Variants in TBC1D5 observed in about 807,000 individuals in gnomAD.
TBC1D5 encodes TBC1 domain family, member 5.
TBC1D5 carries 75 observed loss-of-function variants against 100.3 expected under a neutral mutation model. The ratio of observed to expected loss-of-function variants is 0.75; its 90% confidence interval spans 0.62 to 0.91. TBC1D5 has a LOEUF of 0.91. Ranked by LOEUF, TBC1D5 falls within the 40% of genes least tolerant of loss-of-function variation. The pLI, the probability that TBC1D5 is intolerant of heterozygous loss-of-function variation, is 0.00. For synonymous variants in TBC1D5, 323 were observed against 325.6 expected, an observed-to-expected ratio of 0.99 and a Z score of 0.09; for missense variants, 910 against 942.4, an observed-to-expected ratio of 0.97 and a Z score of 0.45.
chr3:17,674,577 C>T (rs2068381655), intron 1 of TBC1D5, among the ~76,000 whole-genome samples: 1 of 152,108 alleles, frequency 6.6e-6, no homozygotes, highest in Non-Finnish European at 1.5e-5. Context: ...CTCTGATTGG[C>T]ATAAATTTGA....
At chr3:17,323,441 T>G (rs572217183) in intron 13 of TBC1D5, among the ~76,000 whole-genome samples, 1 of 152,278 alleles carries the variant, frequency 6.6e-6, no homozygotes, top group South Asian at 2.1e-4. Context: ...TAAGTGCAGA[T>G]GACATAATTG....
At chr3:17,378,147 G>A (rs182899662) in intron 9 of TBC1D5, among the ~76,000 whole-genome samples, 9 of 151,922 alleles carry the variant, frequency 5.9e-5, no homozygotes, top group Non-Finnish European at 1.2e-4. Flanking sequence ...AGGGGGAGAA[G>A]GAGGCCAGAC....
At chr3:17,390,265 T>C (rs2093312579) in intron 8 of TBC1D5, among the ~76,000 whole-genome samples, 1 of 152,030 alleles carries the variant, frequency 6.6e-6, no homozygotes, top group African/African-American at 2.4e-5. Context: ...TGCCTGATAG[T>C]TGGAAAGACA....
chr3:17,535,584 C>T (rs750247482), intron 2 of TBC1D5, among the ~76,000 whole-genome samples: 1 of 151,970 alleles, frequency 6.6e-6, no homozygotes, highest in South Asian at 2.1e-4. Context: ...AAATAGACTC[C>T]GGTCTGTAAC....
chr3:17,206,001 G>A (rs180809798), intron 18 of TBC1D5, among the ~76,000 whole-genome samples: 1 of 152,074 alleles, frequency 6.6e-6, no homozygotes, highest in African/African-American at 2.4e-5. Context: ...TTTACCCAAA[G>A]CAACTTGATA....
At chr3:17,481,119 T>C (rs534289041) in intron 3 of TBC1D5, among the ~76,000 whole-genome samples, 5 of 152,340 alleles carry the variant, frequency 3.3e-5, no homozygotes, top group Admixed American at 3.3e-4. Flanking sequence ...TGCCATCATG[T>C]TCCCCTCGTC....
At chr3:17,448,690 T>C (rs774284069) in intron 3 of TBC1D5, among the ~76,000 whole-genome samples, 1 of 152,228 alleles carries the variant, frequency 6.6e-6, no homozygotes, top group African/African-American at 2.4e-5. Context: ...GTCACAAGAA[T>C]AGGCTTAAAA....
At chr3:17,713,958 T>C (rs997534420) in intron 1 of TBC1D5, among the ~76,000 whole-genome samples, 2 of 152,176 alleles carry the variant, frequency 1.3e-5, no homozygotes, top group Non-Finnish European at 2.9e-5. Context: ...AGTTGTATAA[T>C]AGCCAAATAA....
intron 1 of TBC1D5, among the ~76,000 whole-genome samples, chr3:17,732,720 A>AAATAAATAAATAAAT (rs1690942480): frequency 2.1e-5 from 3 of 144,812 alleles, no homozygotes; most frequent in African/African-American, 5.0e-5. Context: ...CCGTCTCAAA[A>AAATAAATAAATAAAT]AAATAAATAA....
chr3:17,509,746 T>C (rs2095881663), intron 2 of TBC1D5, among the ~76,000 whole-genome samples: 1 of 152,136 alleles, frequency 6.6e-6, no homozygotes, highest in East Asian at 1.9e-4. Context: ...GTGACATAGG[T>C]AACTTTTTAC....
Position 17,474,161 on chromosome 3 carries a change from CAGTT to C in TBC1D5, c.97+34309_97+34312del, listed in dbSNP as rs1202649856. 2.6e-5 allele frequency among the ~76,000 whole-genome samples: 4 copies of C among 152,230 alleles called. No individual in the cohort carries two copies. In the East Asian group the frequency reaches 5.8e-4, roughly 22 times the overall value. On this transcript the variant is annotated intron_variant, in intron 3 of 21. Transcript: ENST00000253692. ...TACAAAGTGTGCACTCATCCAAAGT[CAGTT>C]AATCACCTTGTAAAAACTGATACTT...
At chr3:17,345,054 C>A (rs201417884) in intron 13 of TBC1D5, among the ~76,000 whole-genome samples, 13,600 of 151,940 alleles carry the variant, frequency 0.09, 1,394 homozygotes, top group African/African-American at 0.25. Flanking sequence ...GCAACAAAAG[C>A]CAAAATTGAC....
intron 2 of TBC1D5, among the ~76,000 whole-genome samples, chr3:17,537,400 G>T (rs1190292579): frequency 6.6e-6 from 1 of 152,146 alleles, no homozygotes; most frequent in Non-Finnish European, 1.5e-5. Context: ...AAGGGAGGAG[G>T]TAACAAGGCA....
chr3:17,549,531 C>T (rs1338392580), intron 2 of TBC1D5, among the ~76,000 whole-genome samples: 1 of 152,050 alleles, frequency 6.6e-6, no homozygotes, highest in East Asian at 1.9e-4. Context: ...ATTAAGAAAA[C>T]AAGCCTTTAG....
intron 3 of TBC1D5, among the ~76,000 whole-genome samples, chr3:17,443,488 T>C (rs529316449): frequency 1.3e-5 from 2 of 152,322 alleles, no homozygotes; most frequent in African/African-American, 4.8e-5. Flanking sequence ...CAGCCCACTT[T>C]TGGTTTCCTT....
At chr3:17,690,622 A>G (rs1408379359) in intron 1 of TBC1D5, among the ~76,000 whole-genome samples, 1 of 152,078 alleles carries the variant, frequency 6.6e-6, no homozygotes, top group Non-Finnish European at 1.5e-5. Context: ...TCACATTACC[A>G]CCTGAGCTCT....
Position 17,488,741 on chromosome 3 carries a change from A to AT in TBC1D5, c.97+19732dup, listed in dbSNP as rs200441002. On this transcript the variant is annotated intron_variant, in intron 3 of 21. Coordinates refer to ENST00000253692, the Ensembl canonical transcript of TBC1D5. Reference sequence around the variant, plus strand: ...TCCCTGATAACATATGATGTTGAGTATTTTTACCTATGCTTATCCTGCCAT... The same window carrying AT: ...TCCCTGATAACATATGATGTTGAGTATTTTTTACCTATGCTTATCCTGCCAT... Among the ~76,000 whole-genome samples the AT allele has an allele frequency of 1.9e-3, 290 of 152,034 alleles. 6 individuals are homozygous for AT. In the East Asian group the frequency reaches 0.04, roughly 21 times the overall value.
intron 15 of TBC1D5, among the ~76,000 whole-genome samples, chr3:17,273,085 C>T (rs2079598483): frequency 6.6e-6 from 1 of 152,086 alleles, no homozygotes; most frequent in South Asian, 2.1e-4. Flanking sequence ...CCCTTCAATG[C>T]GTACCCTAAA....
intron 1 of TBC1D5, among the ~76,000 whole-genome samples, chr3:17,663,640 A>G (rs2066903001): frequency 6.6e-6 from 1 of 152,176 alleles, no homozygotes; most frequent in Non-Finnish European, 1.5e-5. Context: ...TTTGGCAGTA[A>G]GTATCAAGAG....
Sources: gnomAD v4.1 joint callset for allele counts (sites outside exome capture counted in the v4.1 genomes callset) on GRCh38, gnomAD v4.1.1 for gene constraint, MANE v1.5 for transcripts, NCBI Gene and HGNC (gene_info 2026-07-23, HGNC 2026-07-21) for gene names.